Variants in RAPGEF4 observed in about 807,000 individuals in gnomAD.
The protein encoded by RAPGEF4 is Rap guanine nucleotide exchange factor 4.
In RAPGEF4, 66 loss-of-function variants were observed where a neutral mutation model predicts 147.9. The observed-to-expected ratio is 0.45, with a 90% CI of 0.37 to 0.55. RAPGEF4 has a LOEUF of 0.55. Among genes scored for constraint, RAPGEF4 ranks in the 20% least tolerant of loss-of-function variants. The pLI, the probability that RAPGEF4 is intolerant of heterozygous loss-of-function variation, is 0.00. For missense variants in RAPGEF4, 1,071 were observed against 1,257.3 expected (o/e 0.85, Z 2.24); for synonymous variants, 419 against 442.7 (o/e 0.95, Z 0.67).
At chr2:172,877,622 A>G (rs1016984468) in intron 4 of RAPGEF4, among the ~76,000 whole-genome samples, 5 of 151,912 alleles carry the variant, frequency 3.3e-5, no homozygotes, top group African/African-American at 7.3e-5. Context: ...TGCTTTTCTC[A>G]CTTTGCTGGG....
intron 4 of RAPGEF4, among the ~76,000 whole-genome samples, chr2:172,912,353 C>A (rs1007097348): frequency 6.6e-6 from 1 of 152,100 alleles, no homozygotes; most frequent in East Asian, 1.9e-4. Flanking sequence ...TACTTTGAAC[C>A]TTTTTGTGGT....
Position 172,983,483 on chromosome 2 carries a change from T to TA in RAPGEF4, c.1005-13_1005-12insA. On this transcript the variant is annotated splice_polypyrimidine_tract_variant and intron_variant, in intron 10 of 30. Transcript: ENST00000397081. The stretch of plus-strand genomic sequence containing the variant: ...CTTTTTCCATATTCCTTTTTTTTTT[T>TA]TTATCTTTGTAGACCTGGCCAGAGG... 6.3e-7 allele frequency: 1 copy of TA among 1,584,346 alleles called. No homozygotes were observed. Among genetic ancestry groups the TA allele is most frequent in the South Asian group, 1.2e-5 (1 of 85,160 alleles).
chr2:172,804,179 T>C (rs1420270827), intron 3 of RAPGEF4, among the ~76,000 whole-genome samples: 2 of 152,228 alleles, frequency 1.3e-5, no homozygotes, highest in Non-Finnish European at 2.9e-5. Flanking sequence ...TATCTGTATA[T>C]AAATTTCAAG....
intron 17 of RAPGEF4, among the ~76,000 whole-genome samples, chr2:173,009,169 A>G (rs1694778245): frequency 6.6e-6 from 1 of 152,234 alleles, no homozygotes; most frequent in African/African-American, 2.4e-5. Flanking sequence ...ATTCTTTATG[A>G]ATTTATTTAG....
chr2:173,037,147 T>G (rs1684129064), intron 29 of RAPGEF4, among the ~76,000 whole-genome samples: 1 of 152,260 alleles, frequency 6.6e-6, no homozygotes. Flanking sequence ...CCAATAAAGT[T>G]CGCTCAAGTT....
At chr2:172,806,822 A>G (rs1319981077) in intron 3 of RAPGEF4, among the ~76,000 whole-genome samples, 1 of 152,238 alleles carries the variant, frequency 6.6e-6, no homozygotes, top group Non-Finnish European at 1.5e-5. Context: ...TCCCTAAAGT[A>G]AAATAATATG....
chr2:172,915,492 A>G (rs1209636288), intron 4 of RAPGEF4, among the ~76,000 whole-genome samples: 2 of 151,928 alleles, frequency 1.3e-5, no homozygotes, highest in Non-Finnish European at 2.9e-5. Flanking sequence ...CTTTGAGCTC[A>G]GAAGTTCGAC....
At chr2:172,968,780 T>A (rs1690140588) in intron 10 of RAPGEF4, among the ~76,000 whole-genome samples, 1 of 152,126 alleles carries the variant, frequency 6.6e-6, no homozygotes, top group East Asian at 1.9e-4. Flanking sequence ...CCCTGAAGGA[T>A]CATAGGAGAG....
chr2:172,804,099 G>A (rs756367567), intron 3 of RAPGEF4, among the ~76,000 whole-genome samples: 7 of 152,004 alleles, frequency 4.6e-5, no homozygotes, highest in East Asian at 3.9e-4. Context: ...GTATCAGTAT[G>A]AGTGATTTGA....
chr2:172,953,559 C>T (rs879754213), intron 6 of RAPGEF4, among the ~76,000 whole-genome samples: 1 of 152,062 alleles, frequency 6.6e-6, no homozygotes, highest in Non-Finnish European at 1.5e-5. Flanking sequence ...TCCCCTTCCC[C>T]CACTGACCAC....
chr2:172,938,384 G>A (rs10185453), intron 6 of RAPGEF4, among the ~76,000 whole-genome samples: 1,601 of 152,104 alleles, frequency 0.011, 25 homozygotes, highest in African/African-American at 0.036. Context: ...GAGAAATTTG[G>A]CTTGTACCAT....
intron 4 of RAPGEF4, among the ~76,000 whole-genome samples, chr2:172,840,569 C>T (rs1333519345): frequency 6.6e-6 from 1 of 152,210 alleles, no homozygotes; most frequent in Non-Finnish European, 1.5e-5. Context: ...CAGTAACAGC[C>T]AAGTCTTAGG....
At chr2:172,748,886 T>C (rs1025167780) in intron 1 of RAPGEF4, among the ~76,000 whole-genome samples, 1 of 152,156 alleles carries the variant, frequency 6.6e-6, no homozygotes, top group African/African-American at 2.4e-5. Context: ...ATGGGAGAAA[T>C]TGGCCAAAAC....
At chr2:172,887,025 T>C (rs1228531249) in intron 4 of RAPGEF4, among the ~76,000 whole-genome samples, 1 of 151,878 alleles carries the variant, frequency 6.6e-6, no homozygotes, top group Non-Finnish European at 1.5e-5. Context: ...CTGTCTCTAC[T>C]AAAAATACAA....
At chr2:172,737,202 AG>A (rs1693869640) in intron 1 of RAPGEF4, among the ~76,000 whole-genome samples, 2 of 152,228 alleles carry the variant, frequency 1.3e-5, no homozygotes, top group Non-Finnish European at 2.9e-5. Flanking sequence ...ATTTTTTGGC[AG>A]GTAGTGCCCT....
At chr2:172,835,019 T>C (rs1456651611) in intron 4 of RAPGEF4, among the ~76,000 whole-genome samples, 1 of 152,222 alleles carries the variant, frequency 6.6e-6, no homozygotes, top group African/African-American at 2.4e-5. Context: ...TGCCCCCCAC[T>C]AGCTGACACC....
chr2:172,745,421 G>A (rs1014578027), intron 1 of RAPGEF4, among the ~76,000 whole-genome samples: 3 of 150,628 alleles, frequency 2.0e-5, no homozygotes, highest in African/African-American at 7.3e-5. Flanking sequence ...GTGTTGTTCT[G>A]TCCTTTGTAT....
intron 22 of RAPGEF4, among the ~76,000 whole-genome samples, chr2:173,019,019 A>G (rs766591651): frequency 6.6e-6 from 1 of 152,218 alleles, no homozygotes. Flanking sequence ...CAGAAAGGTG[A>G]CTGGAACTGA....
intron 7 of RAPGEF4, 69 bp downstream of exon 7, chr2:172,960,882 A>G (rs1432754402): frequency 7.9e-7 from 1 of 1,269,762 alleles, no homozygotes; most frequent in South Asian, 1.3e-5. Context: ...GGTGGTCCAT[A>G]TGTCAGGGGA....
Sources: gnomAD v4.1 joint callset for allele counts (sites outside exome capture counted in the v4.1 genomes callset) on GRCh38, gnomAD v4.1.1 for gene constraint, MANE v1.5 for transcripts, NCBI Gene and HGNC (gene_info 2026-07-23, HGNC 2026-07-21) for gene names.